SNX9: variants seen among roughly 807,000 people sequenced by gnomAD.
The protein encoded by SNX9 is sorting nexin-9.
In SNX9, 44 loss-of-function variants were observed where a neutral mutation model predicts 89.4. The observed-to-expected ratio is 0.49, with a 90% CI of 0.39 to 0.63. The LOEUF (loss-of-function observed/expected upper bound fraction) is 0.63, where lower values mean the gene tolerates loss of function less well. Ranked by LOEUF, SNX9 falls within the 30% of genes least tolerant of loss-of-function variation. The pLI, the probability that SNX9 is intolerant of heterozygous loss-of-function variation, is 0.00. For missense variants in SNX9, 578 were observed against 736.1 expected (o/e 0.79, Z 2.49); for synonymous variants, 236 against 247.8 (o/e 0.95, Z 0.45).
intron 4 of SNX9, 99 bp from the exon 5 acceptor site, chr6:157,896,728 A>T: frequency 2.3e-6 from 3 of 1,286,080 alleles, no homozygotes; most frequent in Non-Finnish European, 3.3e-6. Flanking sequence ...AATTGTTTTT[A>T]GTACTCCTGT....
chr6:157,937,587 G>A, intron 15 of SNX9, 64 bp downstream of exon 15: 1 of 1,067,484 alleles, frequency 9.4e-7, no homozygotes, highest in Non-Finnish European at 1.4e-6. Flanking sequence ...GTGCGCAGTA[G>A]TCAGTATTGG....
intron 4 of SNX9, among the ~76,000 whole-genome samples, chr6:157,878,618 A>G (rs534546344): frequency 4.6e-5 from 7 of 152,166 alleles, no homozygotes; most frequent in Admixed American, 1.3e-4. Flanking sequence ...TTTTTGGTAG[A>G]GATGGGGTTT....
intron 16 of SNX9, among the ~76,000 whole-genome samples, chr6:157,940,282 T>G (rs1327120998): frequency 6.6e-6 from 1 of 152,216 alleles, no homozygotes; most frequent in East Asian, 1.9e-4. Flanking sequence ...GACCAAGTAT[T>G]TTCTATTTGA....
chr6:157,838,972 C>T (rs1781640825), intron 1 of SNX9, among the ~76,000 whole-genome samples: 1 of 152,166 alleles, frequency 6.6e-6, no homozygotes, highest in African/African-American at 2.4e-5. Context: ...TTTTGATTTC[C>T]AGGTAAGCTG....
At chr6:157,826,206 G>T (rs1583184450) in intron 1 of SNX9, among the ~76,000 whole-genome samples, 1 of 152,076 alleles carries the variant, frequency 6.6e-6, no homozygotes, top group South Asian at 2.1e-4. Context: ...CACTGCTAAA[G>T]AAAGTTAATC....
At chr6:157,858,335 C>T (rs570593721) in intron 1 of SNX9, among the ~76,000 whole-genome samples, 1 of 151,850 alleles carries the variant, frequency 6.6e-6, no homozygotes, top group African/African-American at 2.4e-5. Flanking sequence ...CAGCCTCCAC[C>T]ACCCGGGTTC....
chr6:157,845,199 C>T (rs1002859400), intron 1 of SNX9, among the ~76,000 whole-genome samples: 2 of 151,510 alleles, frequency 1.3e-5, no homozygotes, highest in Middle Eastern at 3.4e-3. Context: ...ACCTCCACCT[C>T]CTGGGTAGAA....
At chr6:157,862,299 TTAA>T (rs555528756) in intron 1 of SNX9, among the ~76,000 whole-genome samples, 5 of 152,228 alleles carry the variant, frequency 3.3e-5, no homozygotes, top group Admixed American at 6.5e-5. Context: ...TCTGATGATC[TTAA>T]TAAGTCAAGA....
intron 1 of SNX9, 114 bp from the exon 2 acceptor site, chr6:157,867,433 A>G (rs1398699065): frequency 2.6e-6 from 2 of 755,264 alleles, no homozygotes; most frequent in Non-Finnish European, 4.4e-6. Flanking sequence ...CAAAACAGCC[A>G]CAGCCACTAT....
chr6:157,896,512 A>C (rs1350510961), intron 4 of SNX9, among the ~76,000 whole-genome samples: 1 of 152,224 alleles, frequency 6.6e-6, no homozygotes, highest in African/African-American at 2.4e-5. Flanking sequence ...GGTTCAGAAA[A>C]GTAGTGGTTA....
At chr6:157,940,475 T>C (rs1270143240) in intron 16 of SNX9, among the ~76,000 whole-genome samples, 5 of 152,234 alleles carry the variant, frequency 3.3e-5, no homozygotes, top group Non-Finnish European at 7.3e-5. Context: ...TGGAGTACAG[T>C]GGTGCAATCC....
chr6:157,923,049 C>T (rs1783615131), intron 10 of SNX9, among the ~76,000 whole-genome samples: 2 of 152,078 alleles, frequency 1.3e-5, no homozygotes, highest in African/African-American at 2.4e-5. Context: ...GTTAATAAAT[C>T]CTAGACATCA....
intron 5 of SNX9, among the ~76,000 whole-genome samples, chr6:157,900,386 C>T (rs1235952166): frequency 6.6e-6 from 1 of 152,076 alleles, no homozygotes; most frequent in Admixed American, 6.6e-5. Flanking sequence ...ATACATGGCT[C>T]GCAAATATTT....
intron 12 of SNX9, among the ~76,000 whole-genome samples, chr6:157,930,355 A>T (rs1020001430): frequency 6.6e-6 from 1 of 152,240 alleles, no homozygotes; most frequent in Non-Finnish European, 1.5e-5. Flanking sequence ...TAATGTATAC[A>T]AATGCAGCAT....
chr6:157,862,076 T>C (rs1782142291), intron 1 of SNX9, among the ~76,000 whole-genome samples: 1 of 152,230 alleles, frequency 6.6e-6, no homozygotes, highest in Non-Finnish European at 1.5e-5. Context: ...ACTCTAAAAC[T>C]GATAAATTGT....
chr6:157,936,101 T>C, intron 14 of SNX9, 61 bp downstream of exon 14: 3 of 1,360,380 alleles, frequency 2.2e-6, no homozygotes, highest in Non-Finnish European at 3.1e-6. Context: ...ACATATTTAA[T>C]TTAAAACCTG....
intron 4 of SNX9, among the ~76,000 whole-genome samples, chr6:157,893,149 A>T (rs1782899127): frequency 6.6e-6 from 1 of 152,068 alleles, no homozygotes; most frequent in African/African-American, 2.4e-5. Context: ...TTCCTTAAAG[A>T]AAACTGTAGA....
At chr6:157,889,859 C>T (rs1782820344) in intron 4 of SNX9, among the ~76,000 whole-genome samples, 1 of 152,146 alleles carries the variant, frequency 6.6e-6, no homozygotes, top group Non-Finnish European at 1.5e-5. Context: ...TTAGATGAGC[C>T]CTCACATATT....
chr6:157,917,468 G>A (rs897286124), intron 9 of SNX9, among the ~76,000 whole-genome samples: 1 of 152,022 alleles, frequency 6.6e-6, no homozygotes, highest in Non-Finnish European at 1.5e-5. Context: ...ATTCTATAAA[G>A]TCTACCTTAT....
Sources: gnomAD v4.1 joint callset for allele counts (sites outside exome capture counted in the v4.1 genomes callset) on GRCh38, gnomAD v4.1.1 for gene constraint, MANE v1.5 for transcripts, NCBI Gene and HGNC (gene_info 2026-07-23, HGNC 2026-07-21) for gene names.